The following PCDHA2 variants were observed in gnomAD, a reference collection of about 807,000 sequenced individuals.
The protein encoded by PCDHA2 is protocadherin alpha-2.
In PCDHA2, 58 loss-of-function variants were observed where a neutral mutation model predicts 66.0. The observed-to-expected ratio is 0.88, with a 90% CI of 0.71 to 1.09. The LOEUF (loss-of-function observed/expected upper bound fraction) is 1.09, where lower values mean the gene tolerates loss of function less well. Among genes scored for constraint, PCDHA2 ranks in the 50% least tolerant of loss-of-function variants. The pLI, the probability that PCDHA2 is intolerant of heterozygous loss-of-function variation, is 0.00. For missense variants in PCDHA2, 1,267 were observed against 1,242.3 expected, an observed-to-expected ratio of 1.02 and a Z score of -0.30; for synonymous variants, 634 against 554.0, an observed-to-expected ratio of 1.14 and a Z score of -2.03.
chr5:140,890,565 T>C (rs1381687393), intron 1 of PCDHA2, among the ~76,000 whole-genome samples: 1 of 152,194 alleles, frequency 6.6e-6, no homozygotes, highest in Non-Finnish European at 1.5e-5. Context: ...TATTGTTCCA[T>C]TTCCTTCTGT....
At chr5:140,949,453 A>T (rs1284957540) in intron 1 of PCDHA2, among the ~76,000 whole-genome samples, 4 of 151,762 alleles carry the variant, frequency 2.6e-5, no homozygotes, top group African/African-American at 9.7e-5. Flanking sequence ...TGCTTCATGT[A>T]ATTTGAAGCC....
chr5:140,990,898 G>A (rs1408537294), intron 3 of PCDHA2, among the ~76,000 whole-genome samples: 3 of 152,146 alleles, frequency 2.0e-5, no homozygotes, highest in Non-Finnish European at 4.4e-5. Context: ...GGTCGTTGCT[G>A]GGTCAAGTTT....
chr5:140,939,018 T>G (rs1554212547), intron 1 of PCDHA2, among the ~76,000 whole-genome samples: 1 of 152,228 alleles, frequency 6.6e-6, no homozygotes, highest in Non-Finnish European at 1.5e-5. Context: ...TTACTTTTCT[T>G]TTACTTATTC....
chr5:140,842,052 A>T (rs1777672472), intron 1 of PCDHA2: 1 of 1,613,748 alleles, frequency 6.2e-7, no homozygotes, highest in African/African-American at 1.3e-5. Context: ...ACTTTCGAAC[A>T]GTCTGAATAC....
intron 1 of PCDHA2, chr5:140,843,149 G>A: frequency 6.3e-7 from 1 of 1,596,096 alleles, no homozygotes; most frequent in Non-Finnish European, 8.6e-7. Context: ...GCTTTCGTAT[G>A]AGCTGCAGCC....
chr5:140,901,443 T>C (rs1288584501), intron 1 of PCDHA2, among the ~76,000 whole-genome samples: 2 of 152,202 alleles, frequency 1.3e-5, no homozygotes, highest in Non-Finnish European at 2.9e-5. Flanking sequence ...ATATCTAGTT[T>C]CCCAGCACAG....
chr5:140,823,006 G>T (rs2150121207), intron 1 of PCDHA2: 8 of 1,614,228 alleles, frequency 5.0e-6, no homozygotes, highest in Non-Finnish European at 6.8e-6. Flanking sequence ...GCTGGACAGC[G>T]CCCTGGACCG....
At chr5:140,862,618 C>T in intron 1 of PCDHA2, 1 of 526,556 alleles carries the variant, frequency 1.9e-6, no homozygotes, top group East Asian at 5.1e-5. Context: ...AGGTAACAAC[C>T]CGCGGGGCTG....
chr5:140,990,296 T>C (rs1231552034), intron 3 of PCDHA2, among the ~76,000 whole-genome samples: 12 of 152,300 alleles, frequency 7.9e-5, no homozygotes, highest in African/African-American at 2.9e-4. Flanking sequence ...ATCGATGCCA[T>C]TGTCTGTAAA....
At chr5:140,846,526 C>T (rs1554141357) in intron 1 of PCDHA2, among the ~76,000 whole-genome samples, 1 of 148,306 alleles carries the variant, frequency 6.7e-6, no homozygotes, top group Non-Finnish European at 1.5e-5. Context: ...AGGTGCATGC[C>T]ACCATGCCCT....
chr5:140,988,642 T>C (rs981488031), intron 3 of PCDHA2, among the ~76,000 whole-genome samples: 22 of 152,212 alleles, frequency 1.4e-4, no homozygotes, highest in African/African-American at 5.3e-4. Context: ...TTTCTGAAAT[T>C]AAACATTTTT....
chr5:140,875,352 T>C lies in PCDHA2; in HGVS notation c.2388+78000T>C, dbSNP rs563345056. ...AATAGGATCGACTCCATAATGACTGTGATGCTGGAAAAAATTTACTAAATA... is the reference window on the plus strand; with the variant it reads ...AATAGGATCGACTCCATAATGACTGCGATGCTGGAAAAAATTTACTAAATA... On this transcript the variant is annotated intron_variant, in intron 1 of 3. Transcript: ENST00000526136. 15 of 1,445,236 alleles carry C rather than the reference T, an allele frequency of 1.0e-5. No individual in the cohort carries two copies. In the African/African-American group the frequency reaches 1.9e-4, roughly 18 times the overall value. The allele number at this position is 1,445,236 out of a possible 1,614,324, so 89.5% of individuals were successfully genotyped here.
chr5:140,826,791 G>A (rs1434779274), intron 1 of PCDHA2, among the ~76,000 whole-genome samples: 2 of 152,138 alleles, frequency 1.3e-5, no homozygotes, highest in African/African-American at 4.8e-5. Flanking sequence ...CCTGCAAAAA[G>A]TTGATTACCT....
chr5:140,877,032 G>A (rs2056800154), intron 1 of PCDHA2: 1 of 1,612,266 alleles, frequency 6.2e-7, no homozygotes, highest in African/African-American at 1.3e-5. Flanking sequence ...TGTACGCGCT[G>A]CAGCCGCTAG....
intron 1 of PCDHA2, among the ~76,000 whole-genome samples, chr5:140,974,029 A>G (rs2096612369): frequency 6.6e-6 from 1 of 152,238 alleles, no homozygotes; most frequent in Admixed American, 6.5e-5. Flanking sequence ...ACAACTATAA[A>G]TTTAGCTTAT....
At chr5:140,845,127 A>G (rs1183874019) in intron 1 of PCDHA2, among the ~76,000 whole-genome samples, 4 of 149,560 alleles carry the variant, frequency 2.7e-5, no homozygotes, top group Non-Finnish European at 6.0e-5. Flanking sequence ...TTAGCATTTT[A>G]TTTGACTATT....
chr5:140,934,926 G>A lies in PCDHA2; in HGVS notation c.2389-44023G>A, dbSNP rs1054459840. Among the ~76,000 whole-genome samples, 3 of 152,116 alleles carry A rather than the reference G, an allele frequency of 2.0e-5. No homozygotes were observed. In the East Asian group the frequency reaches 5.8e-4, roughly 29 times the overall value. On this transcript the variant is annotated intron_variant, in intron 1 of 3. Transcript: ENST00000526136. ...TGGAATAATTATGGATTCACATAAA[G>A]TTACAAAACTAGTATAGAGAGATCC...
intron 1 of PCDHA2, among the ~76,000 whole-genome samples, chr5:140,895,371 T>C (rs1554186488): frequency 1.3e-5 from 2 of 152,304 alleles, no homozygotes; most frequent in East Asian, 3.9e-4. Context: ...TTGGCACTTT[T>C]TGGAGTTCTT....
intron 1 of PCDHA2, among the ~76,000 whole-genome samples, chr5:140,931,261 A>G (rs1455233876): frequency 6.6e-6 from 1 of 152,152 alleles, no homozygotes; most frequent in African/African-American, 2.4e-5. Flanking sequence ...AAATTTCACT[A>G]TTTATTTCTT....
Sources: gnomAD v4.1 joint callset for allele counts (sites outside exome capture counted in the v4.1 genomes callset) on GRCh38, gnomAD v4.1.1 for gene constraint, MANE v1.5 for transcripts, NCBI Gene and HGNC (gene_info 2026-07-23, HGNC 2026-07-21) for gene names.